CAMSAP2: variants seen among roughly 807,000 people sequenced by gnomAD.
The protein encoded by CAMSAP2 is calmodulin regulated spectrin associated protein family member 2, also known as calmodulin-regulated spectrin-associated protein 2.
CAMSAP2 carries 26 observed loss-of-function variants against 146.1 expected under a neutral mutation model. The ratio of observed to expected loss-of-function variants is 0.18; its 90% CI spans 0.13 to 0.25. The LOEUF is 0.25. Among genes scored for constraint, CAMSAP2 ranks in the 10% least tolerant of loss-of-function variants. The pLI, the probability that CAMSAP2 is intolerant of heterozygous loss-of-function variation, is 1.00. For missense variants in CAMSAP2, 1,381 were observed against 1,759.3 expected (o/e 0.78, Z 3.85); for synonymous variants, 499 against 596.6 (o/e 0.84, Z 2.38).
chr1:200,830,605 G>A (rs950349897), intron 4 of CAMSAP2, among the ~76,000 whole-genome samples: 2 of 152,158 alleles, frequency 1.3e-5, no homozygotes, highest in South Asian at 2.1e-4. Context: ...AGAAGATACC[G>A]CTGTACTGGT....
intron 4 of CAMSAP2, among the ~76,000 whole-genome samples, chr1:200,816,538 G>A (rs1343720517): frequency 3.4e-5 from 5 of 146,862 alleles, no homozygotes; most frequent in Admixed American, 2.1e-4. Flanking sequence ...AGGTTGCAGT[G>A]AGCCAAGATC....
chr1:200,838,245 A>G (rs1024525025), intron 6 of CAMSAP2, among the ~76,000 whole-genome samples: 2 of 152,212 alleles, frequency 1.3e-5, no homozygotes, highest in African/African-American at 4.8e-5. Context: ...TTTCTGTTCA[A>G]CAGATAATTA....
chr1:200,739,760 C>G lies in CAMSAP2; in HGVS notation c.-68C>G. On this transcript the variant is annotated 5_prime_UTR_variant, in exon 1 of 17. Transcript: ENST00000358823. The surrounding 1 kb of genome is among the most constrained non-coding windows in gnomAD (Gnocchi z 4.8). Reference sequence around the variant, plus strand: ...AGCTTGCTTCTCCCTCCCTCCCGACCCCCGTGGTGGCGAGGCCACGCCATG... The same window carrying G: ...AGCTTGCTTCTCCCTCCCTCCCGACGCCCGTGGTGGCGAGGCCACGCCATG... 1 of 1,532,692 alleles carries G rather than the reference C, an allele frequency of 6.5e-7. No individual in the cohort carries two copies. 94.9% of individuals were successfully genotyped at this position (1,532,692 alleles called of 1,614,324 possible).
intron 1 of CAMSAP2, 116 bp downstream of exon 1, chr1:200,740,082 G>A (rs1664113489): frequency 1.9e-6 from 2 of 1,067,516 alleles, no homozygotes; most frequent in East Asian, 2.5e-5. Flanking sequence ...TACAGGTTAA[G>A]GGAGATGATG....
chr1:200,794,111 A>G (rs1665822542), intron 2 of CAMSAP2, among the ~76,000 whole-genome samples: 2 of 152,226 alleles, frequency 1.3e-5, no homozygotes. Flanking sequence ...TGATGCATGT[A>G]TAAGATGTGC....
At chr1:200,766,289 G>A (rs1156372076) in intron 2 of CAMSAP2, among the ~76,000 whole-genome samples, 2 of 151,698 alleles carry the variant, frequency 1.3e-5, no homozygotes, top group Non-Finnish European at 2.9e-5. Flanking sequence ...GTCTGCAGAC[G>A]TGCACCACCC....
At chr1:200,782,336 A>C (rs570667253) in intron 2 of CAMSAP2, among the ~76,000 whole-genome samples, 2 of 152,300 alleles carry the variant, frequency 1.3e-5, no homozygotes, top group East Asian at 3.9e-4. Context: ...TTTACATAAA[A>C]TGTACCCATT....
chr1:200,743,298 CAACT>C (rs1421779776), intron 1 of CAMSAP2, among the ~76,000 whole-genome samples: 1 of 148,558 alleles, frequency 6.7e-6, no homozygotes, highest in Non-Finnish European at 1.5e-5. Context: ...TCAATCTTCT[CAACT>C]ATTATTCTCC....
intron 1 of CAMSAP2, among the ~76,000 whole-genome samples, chr1:200,759,147 CTT>C (rs762330173): frequency 3.3e-5 from 5 of 150,340 alleles, no homozygotes; most frequent in Non-Finnish European, 7.4e-5. Flanking sequence ...CACATGAACT[CTT>C]CTCTCCACCC....
At chr1:200,746,471 A>G (rs1664327690) in intron 1 of CAMSAP2, among the ~76,000 whole-genome samples, 1 of 152,216 alleles carries the variant, frequency 6.6e-6, no homozygotes, top group Admixed American at 6.5e-5. Flanking sequence ...TTGGGGGGAA[A>G]GAACCATGTT....
At chr1:200,781,985 A>G (rs1410511392) in intron 2 of CAMSAP2, among the ~76,000 whole-genome samples, 1 of 152,158 alleles carries the variant, frequency 6.6e-6, no homozygotes, top group Non-Finnish European at 1.5e-5. Context: ...GTGTTAATTG[A>G]TATAACATTT....
chr1:200,823,175 G>A (rs1666818670), intron 4 of CAMSAP2, among the ~76,000 whole-genome samples: 1 of 152,020 alleles, frequency 6.6e-6, no homozygotes, highest in Non-Finnish European at 1.5e-5. Flanking sequence ...TTAGCATTCT[G>A]TTATAAGCAA....
intron 2 of CAMSAP2, among the ~76,000 whole-genome samples, chr1:200,796,331 T>A (rs1261275290): frequency 6.6e-6 from 1 of 152,246 alleles, no homozygotes; most frequent in Non-Finnish European, 1.5e-5. Flanking sequence ...CATTGATCTC[T>A]GTTTTTATAC....
intron 2 of CAMSAP2, among the ~76,000 whole-genome samples, chr1:200,768,766 G>C (rs762637748): frequency 2.6e-5 from 4 of 152,104 alleles, no homozygotes; most frequent in Non-Finnish European, 5.9e-5. Flanking sequence ...CGATTCTCCT[G>C]CCTCAGCCTC....
chr1:200,828,352 T>A (rs762094831), intron 4 of CAMSAP2, among the ~76,000 whole-genome samples: 16 of 152,256 alleles, frequency 1.1e-4, no homozygotes, highest in Admixed American at 6.5e-5. Flanking sequence ...TGAATATCTG[T>A]ATGGGGAGAG....
intron 3 of CAMSAP2, among the ~76,000 whole-genome samples, chr1:200,813,821 G>A (rs66530521): frequency 0.1 from 15,363 of 152,066 alleles, 863 homozygotes; most frequent in East Asian, 0.17. Context: ...GAATGAGGCT[G>A]GGTCTGGTGG....
At chr1:200,829,899 C>T (rs1311618474) in intron 4 of CAMSAP2, among the ~76,000 whole-genome samples, 1 of 151,732 alleles carries the variant, frequency 6.6e-6, no homozygotes, top group Non-Finnish European at 1.5e-5. Flanking sequence ...TGCACTCCAG[C>T]CTGGGTAACA....
chr1:200,750,894 C>T (rs1664484820), intron 1 of CAMSAP2, among the ~76,000 whole-genome samples: 3 of 127,438 alleles, frequency 2.4e-5, no homozygotes, highest in South Asian at 2.7e-4. Flanking sequence ...TGAGCCACCG[C>T]GCCTGCCTTT....
intron 4 of CAMSAP2, among the ~76,000 whole-genome samples, chr1:200,819,653 A>T (rs990539911): frequency 6.6e-6 from 1 of 152,152 alleles, no homozygotes; most frequent in African/African-American, 2.4e-5. Flanking sequence ...AAAAATTAGA[A>T]GGTTGGATTA....
Sources: gnomAD v4.1 joint callset for allele counts (sites outside exome capture counted in the v4.1 genomes callset) on GRCh38, gnomAD v4.1.1 for gene constraint, Gnocchi (gnomAD v3.1) non-coding constraint, MANE v1.5 for transcripts, NCBI Gene and HGNC (gene_info 2026-07-23, HGNC 2026-07-21) for gene names.